NELL1: variants seen among roughly 807,000 people sequenced by gnomAD.
NELL1 encodes the protein neural EGFL like 1.
Under a neutral mutation model 107.4 loss-of-function variants are expected in NELL1, and 76 were observed. The ratio of observed to expected loss-of-function variants is 0.71; its 90% CI spans 0.59 to 0.86. NELL1 has a LOEUF of 0.86. NELL1 is among the 40% of genes least tolerant of loss of function. The probability of loss-of-function intolerance (pLI) is 0.00; values close to 1 mark genes in which losing one functional copy is unlikely to be tolerated. For missense variants in NELL1, 1,024 were observed against 1,005.5 expected (o/e 1.02, Z -0.25); for synonymous variants, 353 against 341.2 (o/e 1.03, Z -0.38).
intron 15 of NELL1, among the ~76,000 whole-genome samples, chr11:21,385,944 C>A (rs1264909887): frequency 1.3e-5 from 2 of 151,832 alleles, no homozygotes; most frequent in Non-Finnish European, 2.9e-5. Context: ...ATCCAGTCCC[C>A]ATCTTTTCCT....
Position 21,327,162 on chromosome 11 carries a change from G to GGTTT in NELL1, c.1550-43691_1550-43690insGTTT, listed in dbSNP as rs1565169810. Among the ~76,000 whole-genome samples, 2 of 96,944 alleles carry GGTTT rather than the reference G, an allele frequency of 2.1e-5. 1 individual carries two copies. Among genetic ancestry groups the GGTTT allele is most frequent in the Non-Finnish European group, 4.0e-5 (2 of 50,056 alleles). The allele number at this position is 96,944 out of a possible 152,430, so 63.6% of individuals were successfully genotyped here. A position where few individuals can be genotyped will look rare whatever the true frequency, so the allele number is the denominator to read the frequency against. On this transcript the variant is annotated intron_variant, in intron 14 of 19. Transcript: ENST00000357134. The stretch of plus-strand genomic sequence containing the variant: ...ACAGTGAGTTCTCATGAGATCTGAT[G>GGTTT]TTTTTTTTTTTTTTTTGTGGGGGGG...
chr11:21,354,692 CAAA>C (rs1329489877), intron 14 of NELL1, among the ~76,000 whole-genome samples: 5 of 152,136 alleles, frequency 3.3e-5, no homozygotes, highest in African/African-American at 7.2e-5. Flanking sequence ...AGATGGGAAA[CAAA>C]GAAGCTCTCT....
chr11:21,213,607 A>G (rs770497868), intron 13 of NELL1, among the ~76,000 whole-genome samples: 3 of 152,298 alleles, frequency 2.0e-5, no homozygotes, highest in Non-Finnish European at 2.9e-5. Flanking sequence ...TATAGATACT[A>G]TATTCAAGAC....
chr11:20,872,537 C>T (rs1849222084), intron 4 of NELL1, among the ~76,000 whole-genome samples: 1 of 152,188 alleles, frequency 6.6e-6, no homozygotes, highest in Admixed American at 6.5e-5. Flanking sequence ...TTTTGAAAAG[C>T]TTATGAGGCT....
chr11:21,563,466 C>G (rs72965277), intron 17 of NELL1, among the ~76,000 whole-genome samples: 44,337 of 151,836 alleles, frequency 0.29, 6,921 homozygotes, highest in Middle Eastern at 0.38. Flanking sequence ...CATAGTCTGC[C>G]CTCTGTATTT....
At chr11:21,110,855 T>C (rs908982755) in intron 12 of NELL1, among the ~76,000 whole-genome samples, 1 of 152,126 alleles carries the variant, frequency 6.6e-6, no homozygotes, top group Admixed American at 6.5e-5. Context: ...AACAGAGAAA[T>C]TGAATTGTGT....
rs111648875 is a variant in NELL1, at chr11:20,892,441, A to G, written c.603+6901A>G. On this transcript the variant is annotated intron_variant, in intron 5 of 19. Coordinates refer to ENST00000357134, the MANE Select transcript of NELL1 (RefSeq NM_006157.5). ...AAAAAGGCAAGAAACAATAGATCCTATGTGAGGCTGTGGAGAAATAGGAAT... is the reference window on the plus strand; with the variant it reads ...AAAAAGGCAAGAAACAATAGATCCTGTGTGAGGCTGTGGAGAAATAGGAAT... Among the ~76,000 whole-genome samples, 1,242 of 152,286 alleles carry G rather than the reference A, an allele frequency of 8.2e-3. 5 individuals carry two copies. Among genetic ancestry groups the G allele is most frequent in the Middle Eastern group, 0.024 (7 of 294 alleles).
chr11:21,285,105 G>C (rs773459368), intron 14 of NELL1: 2 of 152,424 alleles, frequency 1.3e-5, no homozygotes, highest in Non-Finnish European at 2.9e-5. Flanking sequence ...GGCAGGGTGG[G>C]GGCCTGTGTG....
intron 12 of NELL1, among the ~76,000 whole-genome samples, chr11:21,029,376 CTG>C (rs939578203): frequency 6.6e-6 from 1 of 152,096 alleles, no homozygotes; most frequent in Non-Finnish European, 1.5e-5. Context: ...AATTTGGTGT[CTG>C]TGTAACACAC....
chr11:20,754,814 G>A (rs1856223055), intron 2 of NELL1, among the ~76,000 whole-genome samples: 1 of 152,152 alleles, frequency 6.6e-6, no homozygotes. Flanking sequence ...AAATTACAGT[G>A]AATCTCATTT....
intron 12 of NELL1, among the ~76,000 whole-genome samples, chr11:21,088,354 G>A (rs1290028487): frequency 6.6e-6 from 1 of 151,930 alleles, no homozygotes; most frequent in Non-Finnish European, 1.5e-5. Context: ...TAATTACTAT[G>A]CAAAGTACAG....
chr11:21,330,905 T>A (rs941102844), intron 14 of NELL1, among the ~76,000 whole-genome samples: 7 of 152,104 alleles, frequency 4.6e-5, no homozygotes, highest in African/African-American at 1.7e-4. Flanking sequence ...TTAAAATTTT[T>A]CTTCATTGCT....
intron 15 of NELL1, among the ~76,000 whole-genome samples, chr11:21,448,446 C>G (rs917529871): frequency 1.3e-5 from 2 of 152,110 alleles, no homozygotes; most frequent in Non-Finnish European, 2.9e-5. Context: ...AAGAGTTTCT[C>G]ATTAATAAAA....
At chr11:20,787,821 C>T (rs1025476328) in intron 3 of NELL1, among the ~76,000 whole-genome samples, 1 of 152,170 alleles carries the variant, frequency 6.6e-6, no homozygotes, top group Admixed American at 6.5e-5. Flanking sequence ...GCTCATTACC[C>T]TCAAAAGAAA....
chr11:21,554,572 C>A (rs939703558), intron 16 of NELL1, among the ~76,000 whole-genome samples: 1 of 151,560 alleles, frequency 6.6e-6, no homozygotes, highest in Non-Finnish European at 1.5e-5. Context: ...GAGTGAAATT[C>A]ATTAAATGAG....
At chr11:21,337,777 T>TTTCTTTCC (rs1565175324) in intron 14 of NELL1, among the ~76,000 whole-genome samples, 1 of 123,264 alleles carries the variant, frequency 8.1e-6, no homozygotes, top group African/African-American at 3.2e-5. Context: ...TCTTTCTTTC[T>TTTCTTTCC]TTCTTTCTTT....
intron 5 of NELL1, among the ~76,000 whole-genome samples, chr11:20,893,855 T>TAAA (rs10658756): frequency 0.027 from 3,430 of 126,984 alleles, 112 homozygotes; most frequent in East Asian, 0.14. Context: ...GTGAGGTAGT[T>TAAA]AAAAAAAAAA....
At chr11:20,949,757 G>A (rs544081816) in intron 11 of NELL1, among the ~76,000 whole-genome samples, 129 of 152,218 alleles carry the variant, frequency 8.5e-4, no homozygotes, top group African/African-American at 2.8e-3. Flanking sequence ...CAAGGTTCCC[G>A]TTGCTAGCAA....
intron 13 of NELL1, among the ~76,000 whole-genome samples, chr11:21,121,725 T>C (rs2133742769): frequency 6.6e-6 from 1 of 152,218 alleles, no homozygotes; most frequent in East Asian, 1.9e-4. Context: ...ACAAACACTT[T>C]TGTGACTGGA....
Sources: allele counts gnomAD v4.1 joint callset (sites outside exome capture counted in the v4.1 genomes callset), GRCh38; gene constraint gnomAD v4.1.1; transcripts MANE v1.5; gene names NCBI Gene and HGNC (gene_info 2026-07-23, HGNC 2026-07-21).